Variants in MLANA observed in about 807,000 individuals in gnomAD.
The protein encoded by MLANA is melanoma antigen recognized by T-cells 1.
MLANA carries 21 observed loss-of-function variants against 15.7 expected under a neutral mutation model. That is an observed-to-expected ratio of 1.33 (90% CI 0.95 to 1.92). The LOEUF is 1.92. Among genes scored for constraint, MLANA ranks in the 40% most tolerant of loss-of-function variants. MLANA has a pLI of 0.00. For synonymous variants in MLANA, 56 were observed against 51.5 expected (o/e 1.09, Z -0.37); for missense variants, 164 against 143.8 (o/e 1.14, Z -0.72).
chr9:5,904,524 G>A (rs1586955437), intron 3 of MLANA, among the ~76,000 whole-genome samples: 2 of 152,176 alleles, frequency 1.3e-5, no homozygotes, highest in Non-Finnish European at 2.9e-5. Context: ...CCAGGCTGGA[G>A]TGCAGTGGCA....
At chr9:5,900,307 T>A (rs565262789) in intron 3 of MLANA, among the ~76,000 whole-genome samples, 7 of 152,304 alleles carry the variant, frequency 4.6e-5, no homozygotes, top group Admixed American at 3.3e-4. Context: ...GTTTGTAGTT[T>A]CTGAGACTTT....
Position 5,895,580 on chromosome 9 carries a change from T to C in MLANA, c.78-1977T>C, listed in dbSNP as rs75864070. Among the ~76,000 whole-genome samples, 384 of 152,326 alleles carry C rather than the reference T, an allele frequency of 2.5e-3. 1 individual carries two copies. Among genetic ancestry groups the C allele is most frequent in the Non-Finnish European group, 4.6e-3 (314 of 68,030 alleles). On this transcript the variant is annotated intron_variant, in intron 2 of 4. Coordinates refer to ENST00000381477, the MANE Select transcript of MLANA (RefSeq NM_005511.2). Reference sequence around the variant, plus strand: ...GACTACATACCTGCTTTGGGTATTATGTATCTCTTTGAAACCTCAGTGGAG... The same window carrying C: ...GACTACATACCTGCTTTGGGTATTACGTATCTCTTTGAAACCTCAGTGGAG...
chr9:5,892,607 C>A, intron 2 of MLANA, 56 bp downstream of exon 2: 1 of 1,459,868 alleles, frequency 6.8e-7, no homozygotes, highest in Non-Finnish European at 9.5e-7. Flanking sequence ...CTGACACAGC[C>A]TGCTGACTTC....
In MLANA at chr9:5,909,574, G is replaced by A. The variant is rs1833038579; in HGVS notation, c.*866G>A. On this transcript the variant is annotated 3_prime_UTR_variant, in exon 5 of 5. Coordinates refer to ENST00000381477, the MANE Select transcript of MLANA (RefSeq NM_005511.2). ...CGCCTGGCTGGATCCTATATCTTAG[G>A]TAAGACATATAACGCAGTCTAATTA... is the stretch of plus-strand genomic sequence containing the variant. The A allele has an allele frequency of 6.6e-6, 1 of 152,128 alleles. No homozygotes were observed. Among genetic ancestry groups the A allele is most frequent in the African/African-American group, 2.4e-5 (1 of 41,428 alleles). The allele number at this position is 152,128 out of a possible 1,614,324, so 9.4% of individuals were successfully genotyped here. A position where few individuals can be genotyped will look rare whatever the true frequency, so the allele number is the denominator to read the frequency against.
At position 5,905,938 on chromosome 9, in the gene MLANA, A is replaced by G. The variant is rs371657692; in HGVS notation, c.175-947A>G. 3.9e-5 allele frequency among the ~76,000 whole-genome samples: 6 copies of G among 152,342 alleles called. No homozygotes were observed. In the South Asian group the frequency reaches 1.2e-3, roughly 32 times the overall value. ...TTGCAGTTTTTTTCTTTCTGTTAAC[A>G]TTCCTTTCCCTTGTATCATTGCTGT... is the stretch of plus-strand genomic sequence containing the variant. On this transcript the variant is annotated intron_variant, in intron 3 of 4. Coordinates refer to ENST00000381477, the MANE Select transcript of MLANA (RefSeq NM_005511.2).
intron 3 of MLANA, among the ~76,000 whole-genome samples, chr9:5,902,561 C>A (rs568453649): frequency 2.6e-5 from 4 of 151,912 alleles, no homozygotes; most frequent in African/African-American, 9.7e-5. Context: ...AACTCCTGGG[C>A]TCAAGCACTC....
chr9:5,910,146 T>C lies in MLANA; in HGVS notation c.*1438T>C, dbSNP rs186246511. 3.9e-5 allele frequency: 6 copies of C among 152,360 alleles called. No individual in the cohort carries two copies. In the East Asian group the frequency reaches 9.6e-4, roughly 24 times the overall value. The allele number at this position is 152,360 out of a possible 1,614,324, so 9.4% of individuals were successfully genotyped here. A position where few individuals can be genotyped will look rare whatever the true frequency, so the allele number is the denominator to read the frequency against. On this transcript the variant is annotated 3_prime_UTR_variant, in exon 5 of 5. Transcript: ENST00000381477. The stretch of plus-strand genomic sequence containing the variant: ...TCAGAGAAAAGTTAAAGGCTGTCTT[T>C]GACATAACTGGAAGGCTTACAAGAG...
intron 3 of MLANA, among the ~76,000 whole-genome samples, chr9:5,904,440 C>G (rs1486074690): frequency 6.6e-6 from 1 of 151,980 alleles, no homozygotes; most frequent in Non-Finnish European, 1.5e-5. Context: ...TTATATGATT[C>G]CATTTTCTCT....
intron 2 of MLANA, among the ~76,000 whole-genome samples, chr9:5,896,594 C>G (rs1832037471): frequency 6.6e-6 from 1 of 152,194 alleles, no homozygotes; most frequent in Non-Finnish European, 1.5e-5. Flanking sequence ...TCACTCAGCT[C>G]TGCAGAAACT....
At chr9:5,897,987 T>C (rs1445685265) in intron 3 of MLANA, 1 of 251,816 alleles carries the variant, frequency 4.0e-6, no homozygotes, top group African/African-American at 2.2e-5. Context: ...TGAGGACTTC[T>C]TGCTGTGTCA....
intron 2 of MLANA, among the ~76,000 whole-genome samples, chr9:5,896,673 C>T (rs1832043844): frequency 6.6e-6 from 1 of 152,188 alleles, no homozygotes; most frequent in South Asian, 2.1e-4. Flanking sequence ...TGTGATCAGG[C>T]AGATGTTAGC....
At chr9:5,893,538 G>C (rs1014805297) in intron 2 of MLANA, among the ~76,000 whole-genome samples, 3 of 152,090 alleles carry the variant, frequency 2.0e-5, no homozygotes. Flanking sequence ...TAATATCCCT[G>C]GCCAATTGGA....
intron 3 of MLANA, among the ~76,000 whole-genome samples, chr9:5,902,452 T>C (rs894769605): frequency 1.3e-5 from 2 of 151,976 alleles, no homozygotes; most frequent in Non-Finnish European, 2.9e-5. Flanking sequence ...ACTGACTTTT[T>C]TTTCTTTCTT....
At position 5,909,835 on chromosome 9, in the gene MLANA, T is replaced by C. The variant is rs755035837; in HGVS notation, c.*1127T>C. The C allele has an allele frequency of 2.0e-5, 3 of 152,262 alleles. No individual in the cohort carries two copies. Among genetic ancestry groups the C allele is most frequent in the Non-Finnish European group, 2.9e-5 (2 of 68,044 alleles). The allele number at this position is 152,262 out of a possible 1,614,324, so 9.4% of individuals were successfully genotyped here. Reference sequence around the variant, plus strand: ...ATCAGAGATTCTGGAATGGTGTCATTATTTGCATAGCAACATTGCAATTTG... The same window carrying C: ...ATCAGAGATTCTGGAATGGTGTCATCATTTGCATAGCAACATTGCAATTTG... On this transcript the variant is annotated 3_prime_UTR_variant, in exon 5 of 5. Transcript: ENST00000381477.
Position 5,898,211 on chromosome 9 carries a change from T to TA in MLANA, c.174+567dup, listed in dbSNP as rs940181808. ...GGCACGTGCCACCACACCGGCTAAT[T>TA]AAAAAAAAACTTTTTTTTGTAGAGA... On this transcript the variant is annotated intron_variant, in intron 3 of 4. Transcript: ENST00000381477. 7.4e-4 allele frequency: 113 copies of TA among 151,830 alleles called. 1 individual carries two copies. Among genetic ancestry groups the TA allele is most frequent in the Middle Eastern group, 6.8e-3 (2 of 294 alleles). 9.4% of individuals were successfully genotyped at this position (151,830 alleles called of 1,614,324 possible).
chr9:5,902,496 A>C (rs1408028804), intron 3 of MLANA, among the ~76,000 whole-genome samples: 1 of 144,310 alleles, frequency 6.9e-6, no homozygotes, highest in Non-Finnish European at 1.5e-5. Context: ...ACAGGGTCTC[A>C]TTCTGTCATC....
In MLANA at chr9:5,892,527, G is replaced by A. The variant is rs1174172878; in HGVS notation, c.53G>A (p.Gly18Asp). The A allele has an allele frequency of 1.9e-6, 3 of 1,613,470 alleles. No homozygotes were observed. The highest frequency in any genetic ancestry group is 2.2e-5 in the East Asian group (1 of 44,872). ...FIYGYPKKGH[G>D]HSYTTAEEAA... ...TATGGTTACCCCAAGAAGGGGCACG[G>A]CCACTCTTACACCACGGCTGAAGAG... Residue 18 changes from glycine (G) to aspartate (D), a missense_variant, in exon 2 of 5, where the codon GGC (glycine) becomes GAC (aspartate). Coordinates refer to ENST00000381477, the MANE Select transcript of MLANA (RefSeq NM_005511.2).
Position 5,894,316 on chromosome 9 carries a change from T to G in MLANA, c.77+1765T>G, listed in dbSNP as rs1235135709. On this transcript the variant is annotated intron_variant, in intron 2 of 4. Coordinates refer to ENST00000381477, the MANE Select transcript of MLANA (RefSeq NM_005511.2). The surrounding 1 kb of genome is among the most constrained non-coding windows in gnomAD (Gnocchi z 4.0). The stretch of plus-strand genomic sequence containing the variant: ...AAGAAACCAACTAGATGGTTCAACA[T>G]AGAGACTTTAATATAAGAAGCTGGT... Among the ~76,000 whole-genome samples the G allele has an allele frequency of 6.6e-6, 1 of 152,010 alleles. No homozygotes were observed. The highest frequency in any genetic ancestry group is 1.5e-5 in the Non-Finnish European group (1 of 68,004).
intron 3 of MLANA, among the ~76,000 whole-genome samples, chr9:5,903,355 G>C (rs758606265): frequency 6.6e-6 from 1 of 152,102 alleles, no homozygotes; most frequent in Non-Finnish European, 1.5e-5. Flanking sequence ...AGATTTTGTT[G>C]AGTTCCACTC....
Sources: gnomAD v4.1 joint callset for allele counts (sites outside exome capture counted in the v4.1 genomes callset) on GRCh38, gnomAD v4.1.1 for gene constraint, Gnocchi (gnomAD v3.1) non-coding constraint, MANE v1.5 for transcripts, NCBI Gene and HGNC (gene_info 2026-07-23, HGNC 2026-07-21) for gene names.